MAGI2: variants seen among roughly 807,000 people sequenced by gnomAD.
MAGI2 encodes the protein membrane-associated guanylate kinase, WW and PDZ domain-containing protein 2.
Under a neutral mutation model 133.3 loss-of-function variants are expected in MAGI2, and 35 were observed. The ratio of observed to expected loss-of-function variants is 0.26; its 90% confidence interval spans 0.20 to 0.35. The LOEUF is 0.35. Ranked by LOEUF, MAGI2 falls within the 10% of genes least tolerant of loss-of-function variation. MAGI2 has a pLI of 1.00. For missense variants in MAGI2, 1,636 were observed against 1,863.4 expected, an observed-to-expected ratio of 0.88 and a Z score of 2.25; for synonymous variants, 729 against 710.6, an observed-to-expected ratio of 1.03 and a Z score of -0.41.
At chr7:79,414,533 T>C (rs1846366130) in intron 1 of MAGI2, 1 of 152,132 alleles carries the variant, frequency 6.6e-6, no homozygotes. Context: ...GTGGCATTTC[T>C]GAAACCTTCC....
At chr7:79,189,446 T>C (rs1251344803) in intron 1 of MAGI2, among the ~76,000 whole-genome samples, 1 of 151,760 alleles carries the variant, frequency 6.6e-6, no homozygotes, top group Non-Finnish European at 1.5e-5. Flanking sequence ...CTGGATGTGA[T>C]ACCCTATTTT....
chr7:79,310,346 C>T (rs1044016806), intron 1 of MAGI2, among the ~76,000 whole-genome samples: 1 of 151,696 alleles, frequency 6.6e-6, no homozygotes, highest in South Asian at 2.1e-4. Flanking sequence ...ATTGAAGCAA[C>T]CAAAAGAGGG....
At chr7:78,369,420 T>G (rs1793703948) in intron 6 of MAGI2, among the ~76,000 whole-genome samples, 1 of 152,064 alleles carries the variant, frequency 6.6e-6, no homozygotes, top group African/African-American at 2.4e-5. Flanking sequence ...AGCTCTCTTC[T>G]CTGCAGATAC....
intron 21 of MAGI2, among the ~76,000 whole-genome samples, chr7:78,070,403 C>A (rs1478675837): frequency 1.4e-5 from 2 of 143,456 alleles, no homozygotes; most frequent in African/African-American, 5.2e-5. Flanking sequence ...CACCTTTTGC[C>A]CTATGTGTGT....
At chr7:78,552,548 C>T (rs898296531) in intron 3 of MAGI2, among the ~76,000 whole-genome samples, 1 of 152,054 alleles carries the variant, frequency 6.6e-6, no homozygotes, top group Non-Finnish European at 1.5e-5. Flanking sequence ...TAAAAACAGC[C>T]TTATTAAACA....
chr7:78,985,988 C>G (rs1180571715), intron 2 of MAGI2, among the ~76,000 whole-genome samples: 1 of 152,008 alleles, frequency 6.6e-6, no homozygotes, highest in Non-Finnish European at 1.5e-5. Flanking sequence ...TTAAGGATGA[C>G]AGTAACACAT....
intron 1 of MAGI2, among the ~76,000 whole-genome samples, chr7:79,162,756 C>A (rs1445688252): frequency 1.3e-5 from 2 of 151,984 alleles, no homozygotes; most frequent in East Asian, 1.9e-4. Context: ...TTTTAAAATT[C>A]TTTTGCAGAA....
chr7:79,307,726 C>G (rs1189139586), intron 1 of MAGI2, among the ~76,000 whole-genome samples: 3 of 152,112 alleles, frequency 2.0e-5, no homozygotes, highest in Non-Finnish European at 1.5e-5. Flanking sequence ...AAGAATGTGG[C>G]CTGGAGCGGA....
rs117067005 is a variant in MAGI2 at position 78,603,565 on chromosome 7, C to T, written c.538+23555G>A. Among the ~76,000 whole-genome samples, 818 of 152,222 alleles carry T rather than the reference C, an allele frequency of 5.4e-3. 1 individual carries two copies. The highest frequency in any genetic ancestry group is 0.01 in the Middle Eastern group (3 of 294). ...TTGAGATGGAGTCTTGCCCTGTCAC[C>T]GAGGCTGGAGTGCACGACGCGATGT... On this transcript the variant is annotated intron_variant, in intron 3 of 21. Transcript: ENST00000354212.
At chr7:78,315,659 T>G (rs947118483) in intron 9 of MAGI2, among the ~76,000 whole-genome samples, 1 of 152,230 alleles carries the variant, frequency 6.6e-6, no homozygotes, top group African/African-American at 2.4e-5. Context: ...ATCTATTATA[T>G]TCAGAATTGC....
chr7:79,164,946 G>A (rs1824772273), intron 1 of MAGI2, among the ~76,000 whole-genome samples: 2 of 152,002 alleles, frequency 1.3e-5, no homozygotes, highest in African/African-American at 2.4e-5. Flanking sequence ...AAATTAGTAA[G>A]CCAAACACCC....
chr7:78,667,753 G>A (rs28895940), intron 2 of MAGI2, among the ~76,000 whole-genome samples: 41,799 of 151,684 alleles, frequency 0.28, 6,104 homozygotes, highest in Admixed American at 0.32. Flanking sequence ...GTATTCCATG[G>A]TGTATATGTG....
chr7:78,550,930 C>T (rs79222341), intron 3 of MAGI2, among the ~76,000 whole-genome samples: 5,645 of 152,110 alleles, frequency 0.037, 341 homozygotes, highest in African/African-American at 0.13. Flanking sequence ...TTTGTATCTT[C>T]TTTTAAAATT....
At chr7:78,272,685 C>T in intron 9 of MAGI2, among the ~76,000 whole-genome samples, 1 of 152,192 alleles carries the variant, frequency 6.6e-6, no homozygotes, top group East Asian at 1.9e-4. Flanking sequence ...ATCCCTTTAT[C>T]ATTATGTAAT....
intron 3 of MAGI2, among the ~76,000 whole-genome samples, chr7:78,587,733 C>T (rs934428670): frequency 3.9e-5 from 6 of 152,136 alleles, no homozygotes; most frequent in South Asian, 2.1e-4. Context: ...AGCAAATACT[C>T]GGCCGTAGCA....
intron 1 of MAGI2, among the ~76,000 whole-genome samples, chr7:79,374,135 G>C (rs1843227529): frequency 6.6e-6 from 1 of 151,950 alleles, no homozygotes; most frequent in East Asian, 1.9e-4. Flanking sequence ...AATACATTGG[G>C]AAATATGTAT....
At chr7:78,056,804 T>C (rs1432957143) in intron 21 of MAGI2, among the ~76,000 whole-genome samples, 1 of 152,124 alleles carries the variant, frequency 6.6e-6, no homozygotes, top group Non-Finnish European at 1.5e-5. Flanking sequence ...ATCCTGCACA[T>C]GGACCCTGAA....
intron 1 of MAGI2, among the ~76,000 whole-genome samples, chr7:79,021,620 A>G (rs1478667845): frequency 6.6e-6 from 1 of 152,176 alleles, no homozygotes; most frequent in African/African-American, 2.4e-5. Flanking sequence ...CTCAATGCCT[A>G]TATCACCATT....
chr7:79,251,364 T>C (rs925692160), intron 1 of MAGI2, among the ~76,000 whole-genome samples: 6 of 151,918 alleles, frequency 3.9e-5, no homozygotes, highest in African/African-American at 7.3e-5. Flanking sequence ...AACCAGAATA[T>C]ATAAGGAGTT....
Sources: gnomAD v4.1 joint callset for allele counts (sites outside exome capture counted in the v4.1 genomes callset) on GRCh38, gnomAD v4.1.1 for gene constraint, MANE v1.5 for transcripts, NCBI Gene and HGNC (gene_info 2026-07-23, HGNC 2026-07-21) for gene names.